The following ASIC5 variants were observed in gnomAD, a reference collection of about 807,000 sequenced individuals.
ASIC5 encodes bile acid-sensitive ion channel.
Under a neutral mutation model 51.2 loss-of-function variants are expected in ASIC5, and 52 were observed. The ratio of observed to expected loss-of-function variants is 1.02; its 90% CI spans 0.81 to 1.28. ASIC5 has a LOEUF of 1.28. Ranked by LOEUF, ASIC5 falls within the 50% of genes most tolerant of loss-of-function variation. The pLI, the probability that ASIC5 is intolerant of heterozygous loss-of-function variation, is 0.00. For synonymous variants in ASIC5, 231 were observed against 200.7 expected, an observed-to-expected ratio of 1.15 and a Z score of -1.28; for missense variants, 635 against 595.0, an observed-to-expected ratio of 1.07 and a Z score of -0.70.
chr4:155,840,534 A>T (rs1282116223), intron 6 of ASIC5, among the ~76,000 whole-genome samples: 1 of 149,668 alleles, frequency 6.7e-6, no homozygotes, highest in Non-Finnish European at 1.5e-5. Context: ...ATTACATTGA[A>T]AGAGATTTGA....
chr4:155,843,946 T>G, intron 4 of ASIC5, 116 bp from the exon 5 acceptor site: 8 of 928,176 alleles, frequency 8.6e-6, no homozygotes, highest in Non-Finnish European at 1.3e-5. Context: ...AAATATTTTA[T>G]GTTATATTTC....
intron 2 of ASIC5, among the ~76,000 whole-genome samples, chr4:155,855,645 C>A (rs1741517246): frequency 6.6e-6 from 1 of 150,760 alleles, no homozygotes. Flanking sequence ...ACCTGAACCT[C>A]CTTTGTGTCC....
At chr4:155,863,303 CT>C in intron 2 of ASIC5, 144 bp downstream of exon 2, 1 of 628,004 alleles carries the variant, frequency 1.6e-6, no homozygotes, top group Non-Finnish European at 2.7e-6. Context: ...TAAATTTGTG[CT>C]TTTGAGTGCA....
chr4:155,837,827 A>G (rs527866550), intron 7 of ASIC5, among the ~76,000 whole-genome samples: 25 of 152,004 alleles, frequency 1.6e-4, no homozygotes, highest in African/African-American at 4.8e-4. Context: ...ACTCTCATGT[A>G]CATAATACTC....
chr4:155,838,990 A>G (rs1365497953), intron 6 of ASIC5, 121 bp from the exon 7 acceptor site: 2 of 597,634 alleles, frequency 3.3e-6, no homozygotes, highest in Non-Finnish European at 6.0e-6. Flanking sequence ...CCATTCTTCT[A>G]TATGAACATC....
chr4:155,832,058 A>T, intron 8 of ASIC5, 143 bp from the exon 9 acceptor site: 1 of 509,428 alleles, frequency 2.0e-6, no homozygotes, highest in Non-Finnish European at 3.6e-6. Context: ...AATCACAATT[A>T]GCAGGATGTA....
At chr4:155,837,883 C>A (rs1376785427) in intron 7 of ASIC5, among the ~76,000 whole-genome samples, 25 of 151,998 alleles carry the variant, frequency 1.6e-4, no homozygotes, top group Admixed American at 1.6e-3. Flanking sequence ...CCTTATCCCA[C>A]AACAGTCCCC....
chr4:155,853,700 C>T (rs1401591284), intron 3 of ASIC5, among the ~76,000 whole-genome samples: 3 of 149,876 alleles, frequency 2.0e-5, no homozygotes, highest in Non-Finnish European at 4.4e-5. Flanking sequence ...AATGCAATAC[C>T]ATAAGCATAT....
intron 7 of ASIC5, among the ~76,000 whole-genome samples, chr4:155,837,969 C>G (rs1477621833): frequency 6.6e-6 from 1 of 152,108 alleles, no homozygotes; most frequent in Non-Finnish European, 1.5e-5. Flanking sequence ...CTGAAGAAAT[C>G]TGGCAACATC....
intron 9 of ASIC5, 43 bp downstream of exon 9, chr4:155,831,781 A>G: frequency 7.9e-7 from 1 of 1,260,376 alleles, no homozygotes; most frequent in East Asian, 2.4e-5. Context: ...CTCAAAATAA[A>G]TAAGTAAATA....
chr4:155,835,924 C>A (rs1740968937), intron 8 of ASIC5, among the ~76,000 whole-genome samples: 1 of 152,108 alleles, frequency 6.6e-6, no homozygotes, highest in African/African-American at 2.4e-5. Context: ...GTACGTCAAC[C>A]TTAAGTTAGT....
chr4:155,832,530 G>T (rs1005442593), intron 8 of ASIC5, among the ~76,000 whole-genome samples: 1 of 152,048 alleles, frequency 6.6e-6, no homozygotes. Flanking sequence ...GATACTAATA[G>T]CTCGTTACAC....
intron 4 of ASIC5, among the ~76,000 whole-genome samples, chr4:155,844,377 G>A (rs1741191004): frequency 6.6e-6 from 1 of 152,066 alleles, no homozygotes; most frequent in South Asian, 2.1e-4. Context: ...ACCAAGGAAT[G>A]TGAACCTACC....
chr4:155,834,795 C>T (rs1707862213), intron 8 of ASIC5, among the ~76,000 whole-genome samples: 3 of 152,040 alleles, frequency 2.0e-5, no homozygotes, highest in South Asian at 4.2e-4. Flanking sequence ...AAACCCCAAG[C>T]TCCAGAAGAG....
chr4:155,859,528 C>T (rs2110761053), intron 2 of ASIC5, among the ~76,000 whole-genome samples: 1 of 152,156 alleles, frequency 6.6e-6, no homozygotes, highest in South Asian at 2.1e-4. Context: ...CCATTTTCTA[C>T]TCACAAGGTG....
intron 1 of ASIC5, among the ~76,000 whole-genome samples, chr4:155,865,824 C>A (rs2110786425): frequency 6.6e-6 from 1 of 152,158 alleles, no homozygotes; most frequent in East Asian, 1.9e-4. Flanking sequence ...ACAACTAGAC[C>A]TTGCATTGAG....
intron 2 of ASIC5, among the ~76,000 whole-genome samples, chr4:155,860,223 T>C (rs1253323982): frequency 6.6e-6 from 1 of 151,854 alleles, no homozygotes; most frequent in South Asian, 2.1e-4. Context: ...TAAATCCTTA[T>C]CCTATTTTAT....
Position 155,855,126 on chromosome 4 carries a change from T to C in ASIC5, c.348-812A>G, listed in dbSNP as rs568557453. On this transcript the variant is annotated intron_variant, in intron 2 of 9. Transcript: ENST00000537611. ...AAAAAGCCCTTTATTCTGTCATTCA[T>C]GGTGATTCTGTTTCTCCAGTTAGGT... Among the ~76,000 whole-genome samples the C allele has an allele frequency of 2.6e-5, 4 of 152,168 alleles. No individual in the cohort carries two copies. In the East Asian group the frequency reaches 7.8e-4, roughly 30 times the overall value.
intron 8 of ASIC5, among the ~76,000 whole-genome samples, chr4:155,832,175 C>G (rs377113507): frequency 7.9e-5 from 12 of 152,284 alleles, no homozygotes; most frequent in African/African-American, 2.6e-4. Context: ...TAAATATCTA[C>G]TGAATAAAAT....
Sources: gnomAD v4.1 joint callset for allele counts (sites outside exome capture counted in the v4.1 genomes callset) on GRCh38, gnomAD v4.1.1 for gene constraint, MANE v1.5 for transcripts, NCBI Gene and HGNC (gene_info 2026-07-23, HGNC 2026-07-21) for gene names.